CA10: variants seen among roughly 807,000 people sequenced by gnomAD.
The protein encoded by CA10 is carbonic anhydrase 10 (inactive), also known as carbonic anhydrase-related protein 10.
Under a neutral mutation model 44.2 loss-of-function variants are expected in CA10, and 14 were observed. That is an observed-to-expected ratio of 0.32 (90% CI 0.21 to 0.50). The LOEUF is 0.50. CA10 is among the 20% of genes least tolerant of loss of function. The pLI is 0.99. For missense variants in CA10, 350 were observed against 409.7 expected (o/e 0.85, Z 1.26); for synonymous variants, 159 against 141.6 (o/e 1.12, Z -0.87).
At chr17:51,755,068 G>A (rs1905037818) in intron 3 of CA10, among the ~76,000 whole-genome samples, 4 of 152,040 alleles carry the variant, frequency 2.6e-5, no homozygotes, top group Non-Finnish European at 5.9e-5. Context: ...CACAAAGACT[G>A]TTTTCCAAAT....
intron 2 of CA10, among the ~76,000 whole-genome samples, chr17:51,981,560 A>G (rs1984654517): frequency 6.6e-6 from 1 of 151,990 alleles, no homozygotes; most frequent in Non-Finnish European, 1.5e-5. Context: ...TCCCTGGGGT[A>G]ATGAAAGTGT....
At chr17:51,635,275 G>A (rs1408191564) in intron 7 of CA10, among the ~76,000 whole-genome samples, 2 of 152,114 alleles carry the variant, frequency 1.3e-5, no homozygotes. Flanking sequence ...CACTTTGGGA[G>A]GTCGAGGCAA....
At chr17:52,053,015 G>A (rs1275257006) in intron 2 of CA10, among the ~76,000 whole-genome samples, 1 of 151,872 alleles carries the variant, frequency 6.6e-6, no homozygotes, top group Admixed American at 6.6e-5. Context: ...GAGAGAAGCA[G>A]ACCAAACCAA....
intron 4 of CA10, among the ~76,000 whole-genome samples, chr17:51,703,883 A>T (rs1456211419): frequency 6.6e-6 from 1 of 152,174 alleles, no homozygotes; most frequent in Non-Finnish European, 1.5e-5. Context: ...ATTCCAAACA[A>T]CTGCAGTAAG....
At chr17:51,699,938 G>A (rs1915533760) in intron 4 of CA10, among the ~76,000 whole-genome samples, 1 of 152,180 alleles carries the variant, frequency 6.6e-6, no homozygotes, top group African/African-American at 2.4e-5. Context: ...TTTCAAAAAT[G>A]TTTCCACAGC....
chr17:51,825,814 G>A (rs748104910), intron 3 of CA10, among the ~76,000 whole-genome samples: 5 of 152,132 alleles, frequency 3.3e-5, no homozygotes, highest in East Asian at 3.8e-4. Flanking sequence ...TGATTCGAAC[G>A]TTGCACAACA....
chr17:51,724,335 A>C (rs1255662195), intron 4 of CA10, among the ~76,000 whole-genome samples: 1 of 152,192 alleles, frequency 6.6e-6, no homozygotes, highest in African/African-American at 2.4e-5. Context: ...AAACTTTTCC[A>C]TATATGTGCT....
intron 2 of CA10, among the ~76,000 whole-genome samples, chr17:52,042,770 G>A (rs1489912152): frequency 6.6e-6 from 1 of 151,888 alleles, no homozygotes; most frequent in African/African-American, 2.4e-5. Flanking sequence ...CTTTTTTTAT[G>A]TGTATGATGT....
rs1266399605 is a variant in CA10 at position 51,631,132 on chromosome 17, G to GCTGTATTTTCTCCTCTCTCTTTT, written c.*429_*451dup. On this transcript the variant is annotated 3_prime_UTR_variant, in exon 9 of 9. Coordinates refer to ENST00000451037, the MANE Select transcript of CA10 (RefSeq NM_020178.5). ...GCAAAGTCCGTTTGATGCCATCAGAGCTGTATTTTCTCCTCTCTCTTTTGG... is the reference window on the plus strand; with the variant it reads ...GCAAAGTCCGTTTGATGCCATCAGAGCTGTATTTTCTCCTCTCTCTTTTCTGTATTTTCTCCTCTCTCTTTTGG... 1 of 169,248 alleles carries GCTGTATTTTCTCCTCTCTCTTTT rather than the reference G, an allele frequency of 5.9e-6. No individual in the cohort carries two copies. The highest frequency in any genetic ancestry group is 2.4e-5 in the African/African-American group (1 of 41,642). 10.5% of individuals were successfully genotyped at this position (169,248 alleles called of 1,614,324 possible).
intron 3 of CA10, among the ~76,000 whole-genome samples, chr17:51,748,932 C>T (rs1174539933): frequency 1.3e-5 from 2 of 152,174 alleles, no homozygotes; most frequent in Non-Finnish European, 2.9e-5. Context: ...ACCAAATATT[C>T]CAGTGACTCA....
intron 3 of CA10, among the ~76,000 whole-genome samples, chr17:51,853,515 C>A (rs571594962): frequency 1.3e-5 from 2 of 152,330 alleles, no homozygotes; most frequent in East Asian, 3.9e-4. Context: ...GAGGCACTTG[C>A]CCATGATGTT....
intron 1 of CA10, among the ~76,000 whole-genome samples, chr17:52,146,271 T>C (rs1989580980): frequency 6.6e-6 from 1 of 151,954 alleles, no homozygotes; most frequent in Non-Finnish European, 1.5e-5. Flanking sequence ...AAAAATAAGA[T>C]GTGGCTGGCT....
At chr17:51,749,356 G>A (rs982325002) in intron 3 of CA10, among the ~76,000 whole-genome samples, 4 of 152,184 alleles carry the variant, frequency 2.6e-5, no homozygotes, top group Non-Finnish European at 5.9e-5. Flanking sequence ...GAGGGCATGC[G>A]TGTTTTCTTC....
intron 1 of CA10, among the ~76,000 whole-genome samples, chr17:52,137,553 G>A (rs1989386793): frequency 6.6e-6 from 1 of 152,020 alleles, no homozygotes; most frequent in Non-Finnish European, 1.5e-5. Context: ...ATATAAGCCT[G>A]GTATCTATGA....
chr17:51,800,512 A>G (rs1906885745), intron 3 of CA10, among the ~76,000 whole-genome samples: 1 of 152,200 alleles, frequency 6.6e-6, no homozygotes, highest in Non-Finnish European at 1.5e-5. Flanking sequence ...CCTTCTATAA[A>G]AAAACAAGAA....
At chr17:52,120,191 T>G (rs574921458) in intron 1 of CA10, among the ~76,000 whole-genome samples, 3 of 152,332 alleles carry the variant, frequency 2.0e-5, no homozygotes, top group African/African-American at 7.2e-5. Context: ...CCATCCCTTT[T>G]TGTTTCATTT....
intron 6 of CA10, among the ~76,000 whole-genome samples, chr17:51,638,813 A>C (rs1172482382): frequency 6.6e-6 from 1 of 152,232 alleles, no homozygotes; most frequent in Admixed American, 6.5e-5. Flanking sequence ...CTTGAACTGC[A>C]TCTTTAACAG....
intron 3 of CA10, among the ~76,000 whole-genome samples, chr17:51,865,266 T>C (rs1278581776): frequency 6.6e-6 from 1 of 152,184 alleles, no homozygotes; most frequent in East Asian, 1.9e-4. Flanking sequence ...TGCTTGTCTC[T>C]CCCCCAGCTA....
At chr17:51,774,147 G>T (rs1250041835) in intron 3 of CA10, among the ~76,000 whole-genome samples, 2 of 152,102 alleles carry the variant, frequency 1.3e-5, no homozygotes, top group Non-Finnish European at 2.9e-5. Flanking sequence ...GAATAATCAC[G>T]TTGTCATGCC....
Sources: gnomAD v4.1 joint callset for allele counts (sites outside exome capture counted in the v4.1 genomes callset) on GRCh38, gnomAD v4.1.1 for gene constraint, MANE v1.5 for transcripts, NCBI Gene and HGNC (gene_info 2026-07-23, HGNC 2026-07-21) for gene names.